MXI1: variants seen among roughly 807,000 people sequenced by gnomAD.
The protein encoded by MXI1 is max-interacting protein 1.
MXI1 carries 18 observed loss-of-function variants against 36.9 expected under a neutral mutation model. The ratio of observed to expected loss-of-function variants is 0.49; its 90% confidence interval spans 0.34 to 0.72. MXI1 has a LOEUF of 0.72. Ranked by LOEUF, MXI1 falls within the 30% of genes least tolerant of loss-of-function variation. The probability of loss-of-function intolerance (pLI) is 0.01; values close to 1 mark genes in which losing one functional copy is unlikely to be tolerated. For synonymous variants in MXI1, 160 were observed against 146.7 expected (o/e 1.09, Z -0.65); for missense variants, 304 against 379.1 (o/e 0.80, Z 1.64).
intron 3 of MXI1, among the ~76,000 whole-genome samples, chr10:110,276,971 G>A (rs1347850374): frequency 3.3e-5 from 5 of 151,586 alleles, no homozygotes; most frequent in Non-Finnish European, 5.9e-5. Context: ...TCAGCCTCCC[G>A]AGTAGCTGGG....
At chr10:110,278,697 G>T (rs1266288779) in intron 3 of MXI1, among the ~76,000 whole-genome samples, 2 of 126,248 alleles carry the variant, frequency 1.6e-5, no homozygotes, top group Non-Finnish European at 3.1e-5. Flanking sequence ...TTGTAGAGAG[G>T]TAGGGTGTGT....
chr10:110,285,414 G>A lies in MXI1; in HGVS notation c.*427G>A, dbSNP rs77480185. On this transcript the variant is annotated 3_prime_UTR_variant, in exon 6 of 6. Transcript: ENST00000332674. ...CCTAAAAGCAAAATAAAAACTATTCGAATGAAAAGACAAGAAAATCAGGTA... is the reference window on the plus strand; with the variant it reads ...CCTAAAAGCAAAATAAAAACTATTCAAATGAAAAGACAAGAAAATCAGGTA... 8.7e-3 allele frequency: 1,341 copies of A among 153,596 alleles called. 15 individuals are homozygous for A. The highest frequency in any genetic ancestry group is 0.057 in the Middle Eastern group (17 of 300). 9.5% of individuals were successfully genotyped at this position (153,596 alleles called of 1,614,324 possible). A position where few individuals can be genotyped will look rare whatever the true frequency, so the allele number is the denominator to read the frequency against.
At position 110,218,649 on chromosome 10, in the gene MXI1, T is replaced by A. The variant is rs569480497; in HGVS notation, c.275-9540T>A. Among the ~76,000 whole-genome samples, 20 of 152,174 alleles carry A rather than the reference T, an allele frequency of 1.3e-4. No homozygotes were observed. In the South Asian group the frequency reaches 3.7e-3, roughly 28 times the overall value. On this transcript the variant is annotated intron_variant, in intron 1 of 5. Coordinates refer to ENST00000332674, the MANE Select transcript of MXI1 (RefSeq NM_130439.3). ...CTCTAGACGGAGATGGTCTAGGGTG[T>A]CACTGCTTGCACCTGCAGTAGTACC...
At chr10:110,215,378 G>C (rs1267942713) in intron 1 of MXI1, among the ~76,000 whole-genome samples, 1 of 152,116 alleles carries the variant, frequency 6.6e-6, no homozygotes, top group Non-Finnish European at 1.5e-5. Context: ...TTAGCACAGA[G>C]CATCAGGGCC....
At chr10:110,266,500 C>T (rs1463862211) in intron 3 of MXI1, among the ~76,000 whole-genome samples, 3 of 152,034 alleles carry the variant, frequency 2.0e-5, no homozygotes, top group Non-Finnish European at 4.4e-5. Context: ...TGGTGAATGC[C>T]CAAATGTCTT....
At chr10:110,257,312 G>GGTT (rs1554857557) in intron 3 of MXI1, 1 of 142,490 alleles carries the variant, frequency 7.0e-6, no homozygotes, top group Non-Finnish European at 1.5e-5. Flanking sequence ...TTTTTTTTTG[G>GGTT]TTTTTTTTTT....
Position 110,207,739 on chromosome 10 carries a change from T to A in MXI1, c.-70T>A. On this transcript the variant is annotated 5_prime_UTR_variant, in exon 1 of 6. Transcript: ENST00000332674. ...TCTGCTCCAGCCGGCCGGGTCTCCC[T>A]GGGGGCCCGGAGCTCGGCCGGGCCG... The A allele has an allele frequency of 2.9e-6, 3 of 1,050,948 alleles. No homozygotes were observed. Among genetic ancestry groups the A allele is most frequent in the Non-Finnish European group, 3.5e-6 (3 of 861,352 alleles). 65.1% of individuals were successfully genotyped at this position (1,050,948 alleles called of 1,614,324 possible).
chr10:110,223,271 A>T (rs550046155), intron 1 of MXI1, among the ~76,000 whole-genome samples: 1 of 152,150 alleles, frequency 6.6e-6, no homozygotes, highest in Non-Finnish European at 1.5e-5. Context: ...ACTTTTCTTG[A>T]TTGCTTGTCA....
intron 3 of MXI1, among the ~76,000 whole-genome samples, chr10:110,278,265 G>A (rs955597588): frequency 2.0e-5 from 3 of 152,116 alleles, no homozygotes; most frequent in African/African-American, 7.2e-5. Flanking sequence ...AAATCCATGA[G>A]GTTCTCTGCT....
Position 110,278,228 on chromosome 10 carries a change from A to G in MXI1, c.438-952A>G, listed in dbSNP as rs574042614. On this transcript the variant is annotated intron_variant, in intron 3 of 5. Coordinates refer to ENST00000332674, the MANE Select transcript of MXI1 (RefSeq NM_130439.3). ...TCAGAACTCTCTCATCACCATGATCATAGTTCTTTTAGGGCACAGGGAAGG... is the reference window on the plus strand; with the variant it reads ...TCAGAACTCTCTCATCACCATGATCGTAGTTCTTTTAGGGCACAGGGAAGG... Among the ~76,000 whole-genome samples the G allele has an allele frequency of 5.9e-5, 9 of 152,334 alleles. 1 individual carries two copies. The South Asian group carries it at 1.9e-3, about 32-fold the overall frequency.
At chr10:110,281,375 T>C (rs1489671062) in intron 5 of MXI1, among the ~76,000 whole-genome samples, 1 of 152,198 alleles carries the variant, frequency 6.6e-6, no homozygotes, top group Non-Finnish European at 1.5e-5. Flanking sequence ...TTTTTTAATA[T>C]CATCTAATAC....
At chr10:110,239,547 T>C (rs1461163454) in intron 2 of MXI1, among the ~76,000 whole-genome samples, 1 of 152,208 alleles carries the variant, frequency 6.6e-6, no homozygotes, top group East Asian at 1.9e-4. Flanking sequence ...ATTTTTCTAA[T>C]TAGCTTACTG....
chr10:110,227,296 T>TGGGAGGGGCGGGTGCG (rs1855080943), intron 1 of MXI1: 11 of 534,990 alleles, frequency 2.1e-5, no homozygotes, highest in Admixed American at 1.0e-3. Flanking sequence ...CGTGCGCGTG[T>TGGGAGGGGCGGGTGCG]GGGAGGGGCG....
intron 3 of MXI1, among the ~76,000 whole-genome samples, chr10:110,256,160 T>A (rs1271431956): frequency 2.6e-5 from 4 of 152,100 alleles, no homozygotes; most frequent in African/African-American, 9.7e-5. Context: ...TCAAAATGGA[T>A]CATAGACCTG....
intron 2 of MXI1, among the ~76,000 whole-genome samples, chr10:110,234,068 A>T (rs1478288439): frequency 6.6e-6 from 1 of 152,168 alleles, no homozygotes; most frequent in Non-Finnish European, 1.5e-5. Flanking sequence ...TGGCTTAGAG[A>T]TGGTGATTGC....
chr10:110,265,058 A>G (rs1386406105), intron 3 of MXI1, among the ~76,000 whole-genome samples: 2 of 152,084 alleles, frequency 1.3e-5, no homozygotes, highest in African/African-American at 4.8e-5. Flanking sequence ...GAGCTCAAAT[A>G]TATGTTTGAG....
In MXI1 at chr10:110,239,497, A is replaced by G. The variant is rs117038140; in HGVS notation, c.408-5331A>G. 7.9e-4 allele frequency among the ~76,000 whole-genome samples: 120 copies of G among 152,230 alleles called. 2 individuals are homozygous for G. The East Asian group carries it at 0.015, about 20-fold the overall frequency. On this transcript the variant is annotated intron_variant, in intron 2 of 5. Coordinates refer to ENST00000332674, the MANE Select transcript of MXI1 (RefSeq NM_130439.3). ...CAGAATATTTTCTAATTTCTCTGCA[A>G]TTTGTTCTTTGAGCTGTGATTTATG... is the stretch of plus-strand genomic sequence containing the variant.
At chr10:110,239,717 A>G (rs904053437) in intron 2 of MXI1, among the ~76,000 whole-genome samples, 3 of 152,124 alleles carry the variant, frequency 2.0e-5, no homozygotes, top group African/African-American at 7.2e-5. Flanking sequence ...TGTTTGCTAT[A>G]TTTGAAGTAA....
chr10:110,221,056 G>A (rs1854791662), intron 1 of MXI1, among the ~76,000 whole-genome samples: 1 of 152,212 alleles, frequency 6.6e-6, no homozygotes, highest in African/African-American at 2.4e-5. Context: ...GAAGGGTGAG[G>A]TTGGGCCCAA....
Sources: gnomAD v4.1 joint callset for allele counts (sites outside exome capture counted in the v4.1 genomes callset) on GRCh38, gnomAD v4.1.1 for gene constraint, MANE v1.5 for transcripts, NCBI Gene and HGNC (gene_info 2026-07-23, HGNC 2026-07-21) for gene names.